PDZRN4: variants seen among roughly 807,000 people sequenced by gnomAD.
The protein encoded by PDZRN4 is PDZ domain-containing RING finger protein 4.
A neutral mutation model predicts 99.0 loss-of-function variants in PDZRN4; 70 were observed. The observed-to-expected ratio is 0.71, with a 90% CI of 0.58 to 0.86. PDZRN4 has a LOEUF of 0.86. Ranked by LOEUF, PDZRN4 falls within the 40% of genes least tolerant of loss-of-function variation. The pLI is 0.00. For missense variants in PDZRN4, 1,474 were observed against 1,331.2 expected (o/e 1.11, Z -1.67); for synonymous variants, 551 against 501.6 (o/e 1.10, Z -1.32).
chr12:41,192,678 A>G (rs1950742615), intron 2 of PDZRN4, among the ~76,000 whole-genome samples: 1 of 152,228 alleles, frequency 6.6e-6, no homozygotes, highest in African/African-American at 2.4e-5. Flanking sequence ...GAATGAATGA[A>G]TGAACAGTTG....
intron 1 of PDZRN4, among the ~76,000 whole-genome samples, chr12:41,191,071 A>C (rs1950732638): frequency 6.6e-6 from 1 of 152,202 alleles, no homozygotes; most frequent in South Asian, 2.1e-4. Flanking sequence ...TACACTATTG[A>C]TAATTTATAT....
At chr12:41,236,985 CTG>C (rs1373279296) in intron 3 of PDZRN4, among the ~76,000 whole-genome samples, 1 of 151,928 alleles carries the variant, frequency 6.6e-6, no homozygotes, top group East Asian at 1.9e-4. Flanking sequence ...AAATGGAAGA[CTG>C]ATAACATTTC....
At chr12:41,549,558 G>A (rs1939018082) in intron 5 of PDZRN4, among the ~76,000 whole-genome samples, 1 of 152,176 alleles carries the variant, frequency 6.6e-6, no homozygotes, top group African/African-American at 2.4e-5. Context: ...CTGGTGTGAG[G>A]TGGTTTGCAG....
intron 3 of PDZRN4, among the ~76,000 whole-genome samples, chr12:41,341,192 G>T (rs1951814331): frequency 6.6e-6 from 1 of 151,098 alleles, no homozygotes; most frequent in Non-Finnish European, 1.5e-5. Flanking sequence ...TAAAAAATTA[G>T]GTATGGAGAA....
chr12:41,500,509 A>G (rs1397318694), intron 3 of PDZRN4, among the ~76,000 whole-genome samples: 10 of 152,110 alleles, frequency 6.6e-5, no homozygotes, highest in Admixed American at 6.6e-4. Flanking sequence ...AACATTTCCT[A>G]TGTACTTAGG....
At chr12:41,549,309 T>C (rs1415711147) in intron 5 of PDZRN4, among the ~76,000 whole-genome samples, 1 of 152,204 alleles carries the variant, frequency 6.6e-6, no homozygotes, top group Non-Finnish European at 1.5e-5. Context: ...GGCTTGTGTG[T>C]CCTGTGAAGG....
At chr12:41,202,221 G>A (rs1244950929) in intron 3 of PDZRN4, among the ~76,000 whole-genome samples, 1 of 152,102 alleles carries the variant, frequency 6.6e-6, no homozygotes, top group Admixed American at 6.6e-5. Context: ...CTTGGGGAGA[G>A]CTGCTTGGAA....
intron 3 of PDZRN4, among the ~76,000 whole-genome samples, chr12:41,429,496 T>A (rs113127330): frequency 6.6e-6 from 1 of 152,184 alleles, no homozygotes; most frequent in South Asian, 2.1e-4. Flanking sequence ...AATCCTTACA[T>A]CTCAGTGTGC....
At chr12:41,239,234 G>A (rs988990992) in intron 3 of PDZRN4, among the ~76,000 whole-genome samples, 1 of 152,134 alleles carries the variant, frequency 6.6e-6, no homozygotes, top group Non-Finnish European at 1.5e-5. Context: ...AACACCACAT[G>A]TTCTCACTTA....
Position 41,573,103 on chromosome 12 carries a change from C to A in PDZRN4, c.2324C>A (p.Thr775Lys). The change falls in exon 10 of 10, where the codon ACA becomes AAA. Residue 775 changes from threonine (T) to lysine (K), a missense_variant. By Grantham distance (78) the Thr-to-Lys change is moderately conservative (BLOSUM62 -1). Coordinates refer to ENST00000402685, the MANE Select transcript of PDZRN4 (RefSeq NM_001164595.2). Reference sequence around the variant, plus strand: ...ACCAATAAGAAAAACCTGAGAAGCACAATGGCAGCCACCCAGTCCTCTTCC... The same window carrying A: ...ACCAATAAGAAAAACCTGAGAAGCAAAATGGCAGCCACCCAGTCCTCTTCC... ...NLTNKKNLRS[T>K]MAATQSSSGQ... The A allele has an allele frequency of 6.2e-7, 1 of 1,614,138 alleles. No homozygotes were observed. The highest frequency in any genetic ancestry group is 8.5e-7 in the Non-Finnish European group (1 of 1,180,008).
Position 41,227,009 on chromosome 12 carries a change from G to A in PDZRN4, c.843+32821G>A, listed in dbSNP as rs1179470397. ...TGCAGGATATCCCAAATTGCAAATA[G>A]GCATATGCATCTTAAACGGATAACT... On this transcript the variant is annotated intron_variant, in intron 3 of 9. Transcript: ENST00000402685. Among the ~76,000 whole-genome samples, 3 of 152,092 alleles carry A rather than the reference G, an allele frequency of 2.0e-5. No individual in the cohort carries two copies. In the East Asian group the frequency reaches 5.8e-4, roughly 29 times the overall value.
intron 3 of PDZRN4, chr12:41,437,772 GC>G: frequency 3.3e-6 from 5 of 1,528,372 alleles, no homozygotes; most frequent in Non-Finnish European, 4.4e-6. Flanking sequence ...AGAGCATGCT[GC>G]TACACACCAC....
chr12:41,431,242 G>A (rs555927867), intron 3 of PDZRN4, among the ~76,000 whole-genome samples: 4 of 152,154 alleles, frequency 2.6e-5, no homozygotes, highest in South Asian at 2.1e-4. Flanking sequence ...GGGCACATAC[G>A]TACTCTGTGC....
chr12:41,548,830 A>G (rs886473790), intron 5 of PDZRN4, among the ~76,000 whole-genome samples: 9 of 152,166 alleles, frequency 5.9e-5, no homozygotes, highest in African/African-American at 1.4e-4. Context: ...AGTACAACCA[A>G]TGTATGTAAA....
chr12:41,197,918 G>GTTTTTTTT (rs1491129322), intron 3 of PDZRN4, among the ~76,000 whole-genome samples: 6 of 114,576 alleles, frequency 5.2e-5, no homozygotes, highest in Admixed American at 2.9e-4. Context: ...TGTTTTTTCT[G>GTTTTTTTT]GGTTTTTTTT....
chr12:41,566,261 A>G (rs1207181108), intron 8 of PDZRN4, among the ~76,000 whole-genome samples: 4 of 152,194 alleles, frequency 2.6e-5, no homozygotes, highest in Admixed American at 6.6e-5. Flanking sequence ...ATCATTCAAT[A>G]TATCAGTGTT....
chr12:41,350,671 C>T (rs574876843), intron 3 of PDZRN4, among the ~76,000 whole-genome samples: 1 of 152,162 alleles, frequency 6.6e-6, no homozygotes, highest in East Asian at 1.9e-4. Context: ...TGCATAGTTT[C>T]TTGCAAGTCA....
At chr12:41,283,585 A>G (rs920497170) in intron 3 of PDZRN4, among the ~76,000 whole-genome samples, 3 of 152,224 alleles carry the variant, frequency 2.0e-5, no homozygotes, top group African/African-American at 7.2e-5. Context: ...AATATCCGTG[A>G]TAAACATCAA....
intron 3 of PDZRN4, among the ~76,000 whole-genome samples, chr12:41,326,454 C>T (rs1200019470): frequency 6.6e-6 from 1 of 152,118 alleles, no homozygotes; most frequent in Admixed American, 6.5e-5. Context: ...AAAAACACAT[C>T]TTGATATTTT....
Sources: allele counts gnomAD v4.1 joint callset (sites outside exome capture counted in the v4.1 genomes callset), GRCh38; gene constraint gnomAD v4.1.1; transcripts MANE v1.5; gene names NCBI Gene and HGNC (gene_info 2026-07-23, HGNC 2026-07-21).